MARCHF8: variants seen among roughly 807,000 people sequenced by gnomAD.
The protein encoded by MARCHF8 is membrane associated ring-CH-type finger 8, also known as E3 ubiquitin-protein ligase MARCHF8.
Under a neutral mutation model 51.6 loss-of-function variants are expected in MARCHF8, and 40 were observed. The ratio of observed to expected loss-of-function variants is 0.77; its 90% CI spans 0.60 to 1.01. The LOEUF is 1.01. Among genes scored for constraint, MARCHF8 ranks in the 50% least tolerant of loss-of-function variants. MARCHF8 has a pLI of 0.00. For missense variants in MARCHF8, 685 were observed against 708.6 expected (o/e 0.97, Z 0.38); for synonymous variants, 263 against 280.3 (o/e 0.94, Z 0.62).
At chr10:45,476,110 C>CT (rs1242729194) in intron 3 of MARCHF8, among the ~76,000 whole-genome samples, 1 of 152,170 alleles carries the variant, frequency 6.6e-6, no homozygotes, top group African/African-American at 2.4e-5. Context: ...CTAGAAGAGA[C>CT]TGTTACACCA....
upstream of MARCHF8, among the ~76,000 whole-genome samples, chr10:45,539,558 T>C (rs1410174079): frequency 6.6e-6 from 1 of 151,946 alleles, no homozygotes; most frequent in Non-Finnish European, 1.5e-5. Flanking sequence ...ATCAACAAAA[T>C]TGATAGACCG....
chr10:45,562,136 T>C (rs1182376929), intron 1 of MARCHF8, among the ~76,000 whole-genome samples: 1 of 151,830 alleles, frequency 6.6e-6, no homozygotes, highest in Non-Finnish European at 1.5e-5. Context: ...ACTAAAGAGA[T>C]TAAGGGACAT....
intron 1 of MARCHF8, among the ~76,000 whole-genome samples, chr10:45,550,288 T>C (rs748806122): frequency 1.3e-5 from 2 of 152,238 alleles, no homozygotes; most frequent in Non-Finnish European, 2.9e-5. Context: ...TTTAGATACT[T>C]GAATTCCTTC....
intron 2 of MARCHF8, among the ~76,000 whole-genome samples, chr10:45,516,750 CAA>C (rs1478703516): frequency 6.6e-6 from 1 of 151,760 alleles, no homozygotes; most frequent in Admixed American, 6.6e-5. Context: ...GGTAACAGAA[CAA>C]GACTTTGTCT....
intron 2 of MARCHF8, among the ~76,000 whole-genome samples, chr10:45,513,748 T>G (rs185859483): frequency 2.1e-4 from 32 of 152,048 alleles, no homozygotes; most frequent in Non-Finnish European, 4.6e-4. Flanking sequence ...CCAAATGAAA[T>G]TACATGTCTG....
chr10:45,468,589 T>C (rs1448368508), intron 3 of MARCHF8, among the ~76,000 whole-genome samples: 1 of 152,182 alleles, frequency 6.6e-6, no homozygotes, highest in Non-Finnish European at 1.5e-5. Context: ...GAGCTTGTTT[T>C]TAGGCAAGGA....
In MARCHF8 at chr10:45,489,351, T is replaced by G. The variant is rs2043041531; in HGVS notation, c.153+16A>C. The G allele has an allele frequency of 6.2e-7, 1 of 1,603,542 alleles. No homozygotes were observed. Among genetic ancestry groups the G allele is most frequent in the Admixed American group, 1.7e-5 (1 of 59,702 alleles). ...AGACTCAAGGTAATAAATAACATTT[T>G]TCAGTGGCACTCTACCTTAGAAATG... On this transcript the variant is annotated intron_variant, in intron 3 of 7. Transcript: ENST00000453424.
chr10:45,464,805 T>C (rs980379113), intron 3 of MARCHF8, among the ~76,000 whole-genome samples: 1 of 152,064 alleles, frequency 6.6e-6, no homozygotes, highest in African/African-American at 2.4e-5. Flanking sequence ...GCTCCCTGAG[T>C]TCCACAAAAC....
chr10:45,591,566 G>A (rs2044681487), intron 1 of MARCHF8, among the ~76,000 whole-genome samples: 1 of 152,062 alleles, frequency 6.6e-6, no homozygotes, highest in African/African-American at 2.4e-5. Flanking sequence ...TACACAGGAG[G>A]TCTCAATGCT....
At chr10:45,482,897 TAC>T (rs1306857131) in intron 3 of MARCHF8, among the ~76,000 whole-genome samples, 2 of 152,228 alleles carry the variant, frequency 1.3e-5, no homozygotes, top group Non-Finnish European at 2.9e-5. Context: ...AGGGAAAGGA[TAC>T]CCTCTCAATA....
In MARCHF8 at chr10:45,482,260, A is replaced by G. The variant is rs1171998944; in HGVS notation, c.153+7107T>C. 5.3e-5 allele frequency among the ~76,000 whole-genome samples: 8 copies of G among 152,348 alleles called. No homozygotes were observed. In the East Asian group the frequency reaches 1.5e-3, roughly 29 times the overall value. ...CTACCCAAAGCAATCTACAGATTCA[A>G]TGCAATTGCTATCAAAATGTCAATG... On this transcript the variant is annotated intron_variant, in intron 3 of 7. Coordinates refer to ENST00000453424, the MANE Select transcript of MARCHF8 (RefSeq NM_001282866.2).
intron 3 of MARCHF8, among the ~76,000 whole-genome samples, chr10:45,482,579 C>T (rs1374191632): frequency 6.6e-6 from 1 of 152,142 alleles, no homozygotes; most frequent in Non-Finnish European, 1.5e-5. Context: ...CTTGGTGAAA[C>T]CCCATCACTA....
intron 2 of MARCHF8, among the ~76,000 whole-genome samples, chr10:45,530,899 T>C (rs984312562): frequency 3.3e-5 from 5 of 152,210 alleles, no homozygotes; most frequent in Non-Finnish European, 7.3e-5. Context: ...TCATTATAGC[T>C]GTTATTTCAT....
chr10:45,528,352 C>G (rs556504444), intron 2 of MARCHF8, among the ~76,000 whole-genome samples: 1 of 152,274 alleles, frequency 6.6e-6, no homozygotes, highest in East Asian at 1.9e-4. Context: ...CTGGAAAACC[C>G]TAAGACTCCT....
intron 2 of MARCHF8, among the ~76,000 whole-genome samples, chr10:45,500,073 C>T (rs539609524): frequency 6.6e-6 from 1 of 152,144 alleles, no homozygotes; most frequent in African/African-American, 2.4e-5. Flanking sequence ...CACAGGATGT[C>T]TTCCCATTTA....
intron 1 of MARCHF8, among the ~76,000 whole-genome samples, chr10:45,575,453 ACCATAT>A (rs1361913670): frequency 1.3e-5 from 2 of 152,120 alleles, no homozygotes; most frequent in Non-Finnish European, 2.9e-5. Context: ...TTCATACAAA[ACCATAT>A]CCAGGCCATC....
At chr10:45,473,259 A>T (rs2042727505) in intron 3 of MARCHF8, among the ~76,000 whole-genome samples, 1 of 152,212 alleles carries the variant, frequency 6.6e-6, no homozygotes, top group South Asian at 2.1e-4. Flanking sequence ...CAAGCAATAG[A>T]GCAATCATTG....
intron 2 of MARCHF8, among the ~76,000 whole-genome samples, chr10:45,492,303 T>C (rs34019727): frequency 0.061 from 9,238 of 151,834 alleles, 323 homozygotes; most frequent in Non-Finnish European, 0.066. Flanking sequence ...TCTTCTTTTT[T>C]TTTTTCTTTT....
intron 2 of MARCHF8, among the ~76,000 whole-genome samples, chr10:45,517,830 G>A (rs917024848): frequency 1.3e-5 from 2 of 152,112 alleles, no homozygotes; most frequent in African/African-American, 4.8e-5. Context: ...GTCCTCCTTA[G>A]CAGACTGATG....
Sources: allele counts gnomAD v4.1 joint callset (sites outside exome capture counted in the v4.1 genomes callset), GRCh38; gene constraint gnomAD v4.1.1; transcripts MANE v1.5; gene names NCBI Gene and HGNC (gene_info 2026-07-23, HGNC 2026-07-21).